CSGALNACT1: variants seen among roughly 807,000 people sequenced by gnomAD.
CSGALNACT1 encodes the protein beta4GalNAcT-1.
In CSGALNACT1, 52 loss-of-function variants were observed where a neutral mutation model predicts 51.0. That is an observed-to-expected ratio of 1.02 (90% CI 0.82 to 1.29). CSGALNACT1 has a LOEUF of 1.29. Among genes scored for constraint, CSGALNACT1 ranks in the 50% most tolerant of loss-of-function variants. CSGALNACT1 has a pLI of 0.00. For synonymous variants in CSGALNACT1, 341 were observed against 254.4 expected (o/e 1.34, Z -3.24); for missense variants, 935 against 679.2 (o/e 1.38, Z -4.19).
rs543532885 is a variant in CSGALNACT1, at chr8:19,407,935, G to C, written c.1309+678C>G. Among the ~76,000 whole-genome samples, 71 of 120,788 alleles carry C rather than the reference G, an allele frequency of 5.9e-4. 1 individual carries two copies. The highest frequency in any genetic ancestry group is 3.8e-3 in the South Asian group (13 of 3,458). 79.2% of individuals were successfully genotyped at this position (120,788 alleles called of 152,430 possible). On this transcript the variant is annotated intron_variant, in intron 9 of 9. Transcript: ENST00000454498. The stretch of plus-strand genomic sequence containing the variant: ...TGTGTGTGTGTGTGTGTGTGTGTGT[G>C]TGTGTGTGTGTGTGTATTGGCAGCA...
At position 19,448,819 on chromosome 8, in the gene CSGALNACT1, T is replaced by G. The variant is rs192740618; in HGVS notation, c.852-8888A>C. On this transcript the variant is annotated intron_variant, in intron 5 of 9. Coordinates refer to ENST00000454498, the Ensembl canonical transcript of CSGALNACT1. ...TATTTAGGCTTTAAGTAGTGTCCCATGCAAATGAAATGACATGTAAAAGAC... is the reference window on the plus strand; with the variant it reads ...TATTTAGGCTTTAAGTAGTGTCCCAGGCAAATGAAATGACATGTAAAAGAC... Among the ~76,000 whole-genome samples, 8 of 152,306 alleles carry G rather than the reference T, an allele frequency of 5.3e-5. No individual in the cohort carries two copies. The East Asian group carries it at 1.5e-3, about 29-fold the overall frequency.
chr8:19,466,967 T>C (rs1172299111), intron 4 of CSGALNACT1, among the ~76,000 whole-genome samples: 1 of 152,214 alleles, frequency 6.6e-6, no homozygotes, highest in African/African-American at 2.4e-5. Context: ...CCTTTTCTTA[T>C]TTCTCTACAC....
At chr8:19,730,558 G>T (rs1286261923) in intron 1 of CSGALNACT1, among the ~76,000 whole-genome samples, 1 of 152,136 alleles carries the variant, frequency 6.6e-6, no homozygotes, top group Admixed American at 6.5e-5. Context: ...AAGTATGTAA[G>T]GTGAACCCAC....
At chr8:19,643,900 T>C (rs1439213513) in intron 1 of CSGALNACT1, among the ~76,000 whole-genome samples, 2 of 152,184 alleles carry the variant, frequency 1.3e-5, no homozygotes, top group Non-Finnish European at 2.9e-5. Flanking sequence ...ATGAAGTATA[T>C]TTAAGGTGGT....
At chr8:19,723,995 C>T (rs1040704088) in intron 1 of CSGALNACT1, among the ~76,000 whole-genome samples, 1 of 152,206 alleles carries the variant, frequency 6.6e-6, no homozygotes, top group East Asian at 1.9e-4. Flanking sequence ...TCTCTCATTT[C>T]GAAAACCCTA....
rs35868450 is a variant in CSGALNACT1 at position 19,458,495 on chromosome 8, G to A, written c.782C>T (p.Thr261Met). 9.4e-4 allele frequency: 1,514 copies of A among 1,614,158 alleles called. 5 individuals are homozygous for A. In the Middle Eastern group the frequency reaches 0.016, roughly 17 times the overall value. The change falls in exon 5 of 10, where the codon ACG (threonine) becomes ATG (methionine). Residue 261 changes from threonine to methionine, a missense_variant. Coordinates refer to ENST00000454498, the Ensembl canonical transcript of CSGALNACT1. ...TAGAGGCACGATAACATTGATAAGC[G>A]TGTTGGCCATGTTGAGCTTTTCATT...
chr8:19,543,446 T>C (rs1201339521), intron 3 of CSGALNACT1, among the ~76,000 whole-genome samples: 3 of 152,224 alleles, frequency 2.0e-5, no homozygotes, highest in Non-Finnish European at 2.9e-5. Context: ...CTGATAAGGT[T>C]GTTTTGCTGT....
At chr8:19,689,835 C>A (rs1261755252) in intron 1 of CSGALNACT1, among the ~76,000 whole-genome samples, 1 of 152,166 alleles carries the variant, frequency 6.6e-6, no homozygotes, top group Admixed American at 6.5e-5. Context: ...GTGCTTGAAC[C>A]CTTACAAGGA....
rs995421124 is a variant in CSGALNACT1, at chr8:19,461,818, A to G, written c.635-3176T>C. Among the ~76,000 whole-genome samples the G allele has an allele frequency of 2.0e-5, 3 of 147,238 alleles. 1 individual carries two copies. The highest frequency in any genetic ancestry group is 7.7e-5 in the African/African-American group (3 of 39,078). On this transcript the variant is annotated intron_variant, in intron 4 of 9. Transcript: ENST00000454498. ...TGGAGGGCGTATCCCCACAGCAGCC[A>G]CATTAGCCATGGAGGGTGTATCTGC...
intron 1 of CSGALNACT1, among the ~76,000 whole-genome samples, chr8:19,716,149 A>G (rs1010590522): frequency 6.6e-6 from 1 of 151,926 alleles, no homozygotes; most frequent in Admixed American, 6.6e-5. Context: ...TTCCTCTAAC[A>G]CAGTCCTGAA....
intron 3 of CSGALNACT1, among the ~76,000 whole-genome samples, chr8:19,584,988 A>G (rs1024703076): frequency 3.3e-5 from 5 of 152,172 alleles, no homozygotes; most frequent in African/African-American, 1.2e-4. Flanking sequence ...TAGTCCTATC[A>G]CTGTCTAGCT....
chr8:19,610,831 G>C (rs2052147327), intron 1 of CSGALNACT1, among the ~76,000 whole-genome samples: 1 of 152,256 alleles, frequency 6.6e-6, no homozygotes, highest in Admixed American at 6.5e-5. Context: ...CTGTCCTTGA[G>C]ACAAGGTGGA....
At chr8:19,500,365 C>G (rs867860400) in intron 4 of CSGALNACT1, among the ~76,000 whole-genome samples, 6 of 152,284 alleles carry the variant, frequency 3.9e-5, no homozygotes, top group Middle Eastern at 3.4e-3. Flanking sequence ...AATCCCCACT[C>G]TTCCTTATTT....
At chr8:19,543,851 TG>T (rs958174083) in intron 3 of CSGALNACT1, among the ~76,000 whole-genome samples, 1 of 152,210 alleles carries the variant, frequency 6.6e-6, no homozygotes, top group African/African-American at 2.4e-5. Flanking sequence ...TAGATGGCCT[TG>T]GGGACCCCTG....
intron 3 of CSGALNACT1, among the ~76,000 whole-genome samples, chr8:19,576,160 A>T (rs560743618): frequency 3.9e-5 from 6 of 151,992 alleles, no homozygotes; most frequent in Non-Finnish European, 7.4e-5. Context: ...CTCAGTAGTG[A>T]GCAGTCATTT....
intron 3 of CSGALNACT1, among the ~76,000 whole-genome samples, chr8:19,586,933 C>T (rs1230579294): frequency 6.6e-6 from 1 of 152,212 alleles, no homozygotes; most frequent in Non-Finnish European, 1.5e-5. Flanking sequence ...AAAAATATCT[C>T]ACAACTCTAG....
upstream of CSGALNACT1, among the ~76,000 whole-genome samples, chr8:19,685,260 CAGCAATG>C (rs1430876863): frequency 2.6e-5 from 4 of 152,000 alleles, no homozygotes; most frequent in South Asian, 2.1e-4. Context: ...TCTAACTTAC[CAGCAATG>C]AGCACATAAG....
At chr8:19,666,431 A>G (rs2059176154) in intron 1 of CSGALNACT1, among the ~76,000 whole-genome samples, 1 of 152,076 alleles carries the variant, frequency 6.6e-6, no homozygotes, top group Admixed American at 6.6e-5. Flanking sequence ...GTGGTTGCTC[A>G]CACCTGTAAT....
intron 1 of CSGALNACT1, among the ~76,000 whole-genome samples, chr8:19,620,637 G>A (rs750843970): frequency 5.3e-5 from 8 of 152,068 alleles, no homozygotes; most frequent in Admixed American, 1.3e-4. Context: ...GTCTCACTAC[G>A]TTGCCCAGGT....
Sources: gnomAD v4.1 joint callset for allele counts (sites outside exome capture counted in the v4.1 genomes callset) on GRCh38, gnomAD v4.1.1 for gene constraint, MANE v1.5 for transcripts, NCBI Gene and HGNC (gene_info 2026-07-23, HGNC 2026-07-21) for gene names.